RANBP2: variants seen among roughly 807,000 people sequenced by gnomAD.
The protein encoded by RANBP2 is RAN binding protein 2.
Under a neutral mutation model 303.6 loss-of-function variants are expected in RANBP2, and 57 were observed. That is an observed-to-expected ratio of 0.19 (90% CI 0.15 to 0.23). The LOEUF (loss-of-function observed/expected upper bound fraction) is 0.23, where lower values mean the gene tolerates loss of function less well. RANBP2 is among the 10% of genes least tolerant of loss of function. RANBP2 has a pLI of 1.00. For missense variants in RANBP2, 3,138 were observed against 3,780.8 expected, an observed-to-expected ratio of 0.83 and a Z score of 4.46; for synonymous variants, 1,167 against 1,301.5, an observed-to-expected ratio of 0.90 and a Z score of 2.23.
the RANBP2 span, among the ~76,000 whole-genome samples, chr2:109,316,878 A>C: frequency 6.6e-6 from 1 of 152,240 alleles, no homozygotes. Context: ...TCTCCAGAAC[A>C]TCATACAGTT....
downstream of RANBP2, among the ~76,000 whole-genome samples, chr2:108,786,387 C>T (rs1004842320): frequency 3.9e-5 from 6 of 152,014 alleles, no homozygotes; most frequent in Non-Finnish European, 8.8e-5. Context: ...GCCACCACTC[C>T]CGGCTCAGAT....
chr2:108,930,605 G>A, the RANBP2 span, among the ~76,000 whole-genome samples: 1 of 152,098 alleles, frequency 6.6e-6, no homozygotes, highest in African/African-American at 2.4e-5. Flanking sequence ...CAGAACACCG[G>A]CGTGTCCAGG....
At chr2:109,019,391 G>T in the RANBP2 span, among the ~76,000 whole-genome samples, 1 of 152,210 alleles carries the variant, frequency 6.6e-6, no homozygotes, top group African/African-American at 2.4e-5. Flanking sequence ...GCAAAGAGGT[G>T]TGGGGAGTTG....
chr2:109,219,607 A>G, the RANBP2 span, among the ~76,000 whole-genome samples: 2 of 152,260 alleles, frequency 1.3e-5, no homozygotes, highest in African/African-American at 2.4e-5. Flanking sequence ...GCAAAGTTGC[A>G]AAATATAAAA....
chr2:109,303,303 T>C, the RANBP2 span, among the ~76,000 whole-genome samples: 1 of 152,250 alleles, frequency 6.6e-6, no homozygotes, highest in Admixed American at 6.5e-5. Context: ...TCCATCCATG[T>C]GAGGAAAGAG....
At chr2:109,693,777 G>T in the RANBP2 span, among the ~76,000 whole-genome samples, 2 of 152,254 alleles carry the variant, frequency 1.3e-5, no homozygotes, top group Non-Finnish European at 2.9e-5. Context: ...TATGTTGATT[G>T]ATGTCTCATG....
chr2:109,387,430 C>T, the RANBP2 span, among the ~76,000 whole-genome samples: 1 of 152,130 alleles, frequency 6.6e-6, no homozygotes, highest in Non-Finnish European at 1.5e-5. Flanking sequence ...CTTATTTCTG[C>T]CCATGTGTCT....
chr2:108,855,792 T>C, the RANBP2 span, among the ~76,000 whole-genome samples: 1 of 152,200 alleles, frequency 6.6e-6, no homozygotes, highest in African/African-American at 2.4e-5. Context: ...TTATGTAAGC[T>C]GAAACAGCAA....
the RANBP2 span, among the ~76,000 whole-genome samples, chr2:109,287,055 T>G: frequency 2.0e-5 from 3 of 152,198 alleles, no homozygotes; most frequent in Non-Finnish European, 2.9e-5. Flanking sequence ...CTTTCTGATT[T>G]GCATCCATGC....
chr2:109,150,724 C>T, the RANBP2 span, among the ~76,000 whole-genome samples: 5 of 152,024 alleles, frequency 3.3e-5, no homozygotes, highest in Non-Finnish European at 7.4e-5. Flanking sequence ...TTTCACAGAG[C>T]AGGAAGTGGA....
the RANBP2 span, among the ~76,000 whole-genome samples, chr2:109,104,586 C>T: frequency 6.6e-6 from 1 of 151,824 alleles, no homozygotes; most frequent in Non-Finnish European, 1.5e-5. Flanking sequence ...CGGGTTCGTG[C>T]CATTCTCCTG....
chr2:109,104,302 A>C, the RANBP2 span, among the ~76,000 whole-genome samples: 2 of 152,158 alleles, frequency 1.3e-5, no homozygotes, highest in Admixed American at 1.3e-4. Flanking sequence ...CTCTAGTTTA[A>C]TGTTAATGCT....
At chr2:109,174,613 A>G in the RANBP2 span, among the ~76,000 whole-genome samples, 1 of 152,206 alleles carries the variant, frequency 6.6e-6, no homozygotes, top group Admixed American at 6.5e-5. Flanking sequence ...AGGTGGCTGA[A>G]GCCTTGCTAT....
chr2:109,107,881 G>A, the RANBP2 span, among the ~76,000 whole-genome samples: 9 of 151,668 alleles, frequency 5.9e-5, no homozygotes, highest in South Asian at 4.2e-4. Flanking sequence ...GATTACAGGC[G>A]CCTGCCACCA....
the RANBP2 span, among the ~76,000 whole-genome samples, chr2:109,673,500 C>A: frequency 1.3e-5 from 2 of 152,158 alleles, no homozygotes; most frequent in African/African-American, 4.8e-5. Context: ...CTCTGTTTTG[C>A]CTTGCTTTAC....
chr2:109,233,582 C>T, the RANBP2 span, among the ~76,000 whole-genome samples: 403 of 152,292 alleles, frequency 2.6e-3, 2 homozygotes, highest in African/African-American at 9.3e-3. Flanking sequence ...TCATTTAGGG[C>T]CATGGTGTCC....
At chr2:109,334,559 C>T in the RANBP2 span, among the ~76,000 whole-genome samples, 4 of 152,060 alleles carry the variant, frequency 2.6e-5, no homozygotes, top group Non-Finnish European at 5.9e-5. Context: ...AACCCTCACC[C>T]GCTCCGGGGA....
chr2:109,242,528 G>T, the RANBP2 span, among the ~76,000 whole-genome samples: 1 of 152,194 alleles, frequency 6.6e-6, no homozygotes, highest in Non-Finnish European at 1.5e-5. Context: ...GGAGTGAATG[G>T]CAACAAGGCC....
the RANBP2 span, among the ~76,000 whole-genome samples, chr2:109,355,880 AGC>A: frequency 6.6e-6 from 1 of 152,340 alleles, no homozygotes; most frequent in Admixed American, 6.5e-5. Context: ...TCCTTCTGAA[AGC>A]AATGGCTCCA....
Sources: allele counts gnomAD v4.1 joint callset (sites outside exome capture counted in the v4.1 genomes callset), GRCh38; gene constraint gnomAD v4.1.1; transcripts MANE v1.5; gene names NCBI Gene and HGNC (gene_info 2026-07-23, HGNC 2026-07-21).